The following JARID2 variants were observed in gnomAD, a reference collection of about 807,000 sequenced individuals.
JARID2 encodes the protein jumonji and AT-rich interaction domain containing 2.
A neutral mutation model predicts 125.6 loss-of-function variants in JARID2; 21 were observed. That is an observed-to-expected ratio of 0.17 (90% confidence interval 0.12 to 0.24). The LOEUF (loss-of-function observed/expected upper bound fraction) is 0.24. Among genes scored for constraint, JARID2 ranks in the 10% least tolerant of loss-of-function variants. The pLI, the probability that JARID2 is intolerant of heterozygous loss-of-function variation, is 1.00. For synonymous variants in JARID2, 736 were observed against 661.6 expected (o/e 1.11, Z -1.73); for missense variants, 1,303 against 1,639.6 (o/e 0.79, Z 3.55).
intron 1 of JARID2, among the ~76,000 whole-genome samples, chr6:15,352,183 A>G (rs1171477647): frequency 2.6e-5 from 4 of 152,072 alleles, no homozygotes; most frequent in Admixed American, 2.0e-4. Context: ...ATTTATTGAC[A>G]TATTATTCAT....
chr6:15,255,551 C>A (rs1561749331), intron 1 of JARID2, among the ~76,000 whole-genome samples: 1 of 152,092 alleles, frequency 6.6e-6, no homozygotes, highest in East Asian at 1.9e-4. Flanking sequence ...GTTTATTGAT[C>A]TCTTAAAATC....
intron 1 of JARID2, among the ~76,000 whole-genome samples, chr6:15,359,496 CTA>C (rs140885417): frequency 0.07 from 10,694 of 152,180 alleles, 539 homozygotes; most frequent in Non-Finnish European, 0.11. Flanking sequence ...TATCTCATGA[CTA>C]TATTTTTAGC....
At chr6:15,450,575 C>G (rs1172780133) in intron 3 of JARID2, among the ~76,000 whole-genome samples, 1 of 152,106 alleles carries the variant, frequency 6.6e-6, no homozygotes, top group Admixed American at 6.5e-5. Context: ...TACTGTGTGG[C>G]TGTTTCTTGG....
At chr6:15,505,158 C>G (rs903233654) in intron 9 of JARID2, 1 of 152,410 alleles carries the variant, frequency 6.6e-6, no homozygotes, top group Admixed American at 6.5e-5. Context: ...TACCTCCCCT[C>G]GGCCAGTGCC....
chr6:15,439,477 T>G (rs1476653879), intron 3 of JARID2, among the ~76,000 whole-genome samples: 1 of 152,188 alleles, frequency 6.6e-6, no homozygotes, highest in Non-Finnish European at 1.5e-5. Context: ...CTACGATGGA[T>G]ATGTGGCTGC....
At chr6:15,384,309 AC>A (rs1375274285) in intron 2 of JARID2, among the ~76,000 whole-genome samples, 1 of 150,054 alleles carries the variant, frequency 6.7e-6, no homozygotes, top group Non-Finnish European at 1.5e-5. Flanking sequence ...GTGATCTTGA[AC>A]TCCTGGGCTT....
intron 1 of JARID2, among the ~76,000 whole-genome samples, chr6:15,296,260 G>C (rs1761410368): frequency 6.6e-6 from 1 of 152,102 alleles, no homozygotes; most frequent in South Asian, 2.1e-4. Context: ...TTGGGCATTT[G>C]TAGCGTGCAT....
chr6:15,503,945 T>C (rs1347828019), intron 8 of JARID2, among the ~76,000 whole-genome samples: 1 of 152,174 alleles, frequency 6.6e-6, no homozygotes, highest in Non-Finnish European at 1.5e-5. Context: ...CAGCAGGTGG[T>C]TCTGTGGAGA....
intron 1 of JARID2, among the ~76,000 whole-genome samples, chr6:15,279,552 C>A (rs1211522193): frequency 6.6e-6 from 1 of 152,190 alleles, no homozygotes; most frequent in Non-Finnish European, 1.5e-5. Flanking sequence ...TTTATAAAAG[C>A]CTTTACTTCC....
intron 1 of JARID2, among the ~76,000 whole-genome samples, chr6:15,253,142 C>T (rs1388969628): frequency 6.6e-6 from 1 of 152,064 alleles, no homozygotes; most frequent in Non-Finnish European, 1.5e-5. Context: ...CTGTTCACTG[C>T]AGCCTCCAGC....
At chr6:15,279,872 A>G (rs1760684700) in intron 1 of JARID2, among the ~76,000 whole-genome samples, 1 of 152,194 alleles carries the variant, frequency 6.6e-6, no homozygotes, top group South Asian at 2.1e-4. Context: ...TTAGGAGGCA[A>G]TCAGTAAGTA....
intron 1 of JARID2, among the ~76,000 whole-genome samples, chr6:15,293,647 C>T (rs1365453582): frequency 6.6e-6 from 1 of 152,210 alleles, no homozygotes; most frequent in Non-Finnish European, 1.5e-5. Context: ...CAGACTTGAC[C>T]TCTCTTGACC....
chr6:15,408,672 A>G (rs1561842605), intron 2 of JARID2, among the ~76,000 whole-genome samples: 1 of 152,262 alleles, frequency 6.6e-6, no homozygotes. Context: ...ATTGTCAATG[A>G]CATGTTACAT....
chr6:15,325,670 G>T (rs368735022), intron 1 of JARID2, among the ~76,000 whole-genome samples: 2 of 152,282 alleles, frequency 1.3e-5, no homozygotes, highest in South Asian at 4.1e-4. Flanking sequence ...CATAGACTTT[G>T]CTCCATCACA....
Position 15,517,159 on chromosome 6 carries a change from A to G in JARID2, c.3451-2A>G. 6.2e-7 allele frequency: 1 copy of G among 1,609,090 alleles called. No individual in the cohort carries two copies. The highest frequency in any genetic ancestry group is 8.5e-7 in the Non-Finnish European group (1 of 1,175,468). On this transcript the variant is annotated splice_acceptor_variant, in intron 16 of 17. Transcript: ENST00000341776. LOFTEE classifies it high-confidence loss of function. The stretch of plus-strand genomic sequence containing the variant: ...CTTCGGGTGTCCTGCTCTTGCTTGC[A>G]GGTGGTACAAGAGAACGAAAACGTC...
rs1764896374 is a variant in JARID2 at position 15,388,938 on chromosome 6, C to T, written c.181+14686C>T. On this transcript the variant is annotated intron_variant, in intron 2 of 17. Transcript: ENST00000341776. Reference sequence around the variant, plus strand: ...CATCTGGGTAATCCTTAACTGAGTCCCTGTTTTCTTTCTGCAGTTAGGTGG... The same window carrying T: ...CATCTGGGTAATCCTTAACTGAGTCTCTGTTTTCTTTCTGCAGTTAGGTGG... 2.0e-5 allele frequency among the ~76,000 whole-genome samples: 3 copies of T among 152,070 alleles called. No individual in the cohort carries two copies. In the South Asian group the frequency reaches 6.2e-4, roughly 32 times the overall value.
chr6:15,393,065 A>G (rs1409424529), intron 2 of JARID2, among the ~76,000 whole-genome samples: 2 of 152,208 alleles, frequency 1.3e-5, no homozygotes, highest in Non-Finnish European at 2.9e-5. Flanking sequence ...GTGCAGCCAT[A>G]GAGGCAGGAT....
chr6:15,305,732 A>T (rs540918143), intron 1 of JARID2, among the ~76,000 whole-genome samples: 1 of 152,056 alleles, frequency 6.6e-6, no homozygotes, highest in South Asian at 2.1e-4. Flanking sequence ...ATTCCTCCCC[A>T]CCCCCATCTC....
At chr6:15,380,015 ATT>A (rs35957436) in intron 2 of JARID2, among the ~76,000 whole-genome samples, 2 of 143,630 alleles carry the variant, frequency 1.4e-5, no homozygotes, top group Non-Finnish European at 1.5e-5. Context: ...AGGTAAGTGG[ATT>A]TTTTTTTTTT....
Sources: gnomAD v4.1 joint callset for allele counts (sites outside exome capture counted in the v4.1 genomes callset) on GRCh38, gnomAD v4.1.1 for gene constraint, MANE v1.5 for transcripts, NCBI Gene and HGNC (gene_info 2026-07-23, HGNC 2026-07-21) for gene names.